Variants in LIPC observed in about 807,000 individuals in gnomAD.
LIPC encodes the protein lipase C, hepatic type.
LIPC carries 44 observed loss-of-function variants against 50.7 expected under a neutral mutation model. That is an observed-to-expected ratio of 0.87 (90% CI 0.68 to 1.11). LIPC has a LOEUF of 1.11. Among genes scored for constraint, LIPC ranks in the 50% most tolerant of loss-of-function variants. The pLI is 0.00. For synonymous variants in LIPC, 271 were observed against 256.4 expected, an observed-to-expected ratio of 1.06 and a Z score of -0.54; for missense variants, 697 against 648.2, an observed-to-expected ratio of 1.08 and a Z score of -0.82.
At chr15:58,485,079 G>A (rs4775058) in intron 1 of LIPC, among the ~76,000 whole-genome samples, 4,234 of 152,260 alleles carry the variant, frequency 0.028, 63 homozygotes, top group Middle Eastern at 0.037. Flanking sequence ...GTTGGGTTCC[G>A]CAAGAATGAT....
chr15:58,449,050 ACACGAC>A (rs1182753697), intron 1 of LIPC, among the ~76,000 whole-genome samples: 1 of 151,664 alleles, frequency 6.6e-6, no homozygotes, highest in East Asian at 1.9e-4. Flanking sequence ...CGCTAGGTGC[ACACGAC>A]GGGCAGTGGG....
intron 1 of LIPC, chr15:58,432,389 T>G: frequency 2.0e-6 from 1 of 494,808 alleles, no homozygotes; most frequent in Non-Finnish European, 3.7e-6. Context: ...ATGGAAACAG[T>G]CATGCTAAAA....
At chr15:58,497,529 A>G (rs1194523964) in intron 1 of LIPC, among the ~76,000 whole-genome samples, 1 of 151,668 alleles carries the variant, frequency 6.6e-6, no homozygotes, top group Non-Finnish European at 1.5e-5. Flanking sequence ...AATGCCTTGA[A>G]ACCGTCAGAT....
intron 1 of LIPC, among the ~76,000 whole-genome samples, chr15:58,448,531 G>T (rs573180138): frequency 2.0e-5 from 3 of 152,336 alleles, no homozygotes; most frequent in African/African-American, 4.8e-5. Flanking sequence ...AAAACAGACC[G>T]CAGGTGCCCT....
intron 1 of LIPC, among the ~76,000 whole-genome samples, chr15:58,506,186 C>T (rs1017979529): frequency 1.3e-5 from 2 of 152,298 alleles, no homozygotes; most frequent in Non-Finnish European, 2.9e-5. Context: ...TGCTTCACAA[C>T]GGGGCTCTCC....
At chr15:58,450,408 A>G (rs1265096662) in intron 1 of LIPC, among the ~76,000 whole-genome samples, 1 of 152,154 alleles carries the variant, frequency 6.6e-6, no homozygotes, top group Admixed American at 6.5e-5. Flanking sequence ...CACCTGAAGA[A>G]CTGCCTCAGA....
chr15:58,453,351 A>G (rs1893981323), intron 1 of LIPC, among the ~76,000 whole-genome samples: 1 of 151,902 alleles, frequency 6.6e-6, no homozygotes, highest in African/African-American at 2.4e-5. Context: ...CAATATGACC[A>G]TTTCTGCCTC....
chr15:58,476,413 T>G (rs1453164027), intron 1 of LIPC, among the ~76,000 whole-genome samples: 1 of 152,264 alleles, frequency 6.6e-6, no homozygotes, highest in Non-Finnish European at 1.5e-5. Flanking sequence ...CAGGAAGCCA[T>G]GCAGTCTGGT....
At chr15:58,460,775 G>C (rs1894317883) in intron 1 of LIPC, among the ~76,000 whole-genome samples, 2 of 152,220 alleles carry the variant, frequency 1.3e-5, no homozygotes, top group African/African-American at 4.8e-5. Flanking sequence ...AGCTGTTAGA[G>C]AACAGCCAGC....
At position 58,541,894 on chromosome 15, in the gene LIPC, A is replaced by C. The variant is rs1595935075; in HGVS notation, c.383A>C (p.Asp128Ala). 6.2e-7 allele frequency: 1 copy of C among 1,612,150 alleles called. No individual in the cohort carries two copies. Among genetic ancestry groups the C allele is most frequent in the Non-Finnish European group, 8.5e-7 (1 of 1,179,978 alleles). ...GLVDWITLAH[D>A]HYTIAVRNTR... Reference sequence around the variant, plus strand: ...GTGGACTGGATCACCCTGGCCCACGACCACTACACCATCGCCGTCCGCAAC... The same window carrying C: ...GTGGACTGGATCACCCTGGCCCACGCCCACTACACCATCGCCGTCCGCAAC... Residue 128 changes from aspartate to alanine, a missense_variant, in exon 3 of 9, where the codon GAC (aspartate) becomes GCC (alanine). Transcript: ENST00000299022.
chr15:58,518,181 G>A (rs1479666751), intron 1 of LIPC, among the ~76,000 whole-genome samples: 1 of 152,206 alleles, frequency 6.6e-6, no homozygotes, highest in Non-Finnish European at 1.5e-5. Context: ...AATGCCAGTA[G>A]AACTCCCCTT....
Position 58,546,044 on chromosome 15 carries a change from T to C in LIPC, c.808+69T>C, listed in dbSNP as rs1352356469. 3 of 1,299,848 alleles carry C rather than the reference T, an allele frequency of 2.3e-6. No homozygotes were observed. In the East Asian group the frequency reaches 6.9e-5, roughly 30 times the overall value. The allele number at this position is 1,299,848 out of a possible 1,614,324, so 80.5% of individuals were successfully genotyped here. ...ATGGGGCCTCTGGAATTCAGCGGAA[T>C]CTACCAACATACGGGACTCAGGGAA... On this transcript the variant is annotated intron_variant, in intron 5 of 8. Transcript: ENST00000299022.
At chr15:58,462,697 G>A (rs1464979753) in intron 1 of LIPC, among the ~76,000 whole-genome samples, 7 of 152,160 alleles carry the variant, frequency 4.6e-5, no homozygotes, top group African/African-American at 1.7e-4. Flanking sequence ...CCTGCACACA[G>A]CCCTTGACTT....
chr15:58,533,875 C>T (rs2140896726), intron 1 of LIPC, among the ~76,000 whole-genome samples: 1 of 152,146 alleles, frequency 6.6e-6, no homozygotes, highest in African/African-American at 2.4e-5. Context: ...CAATGAGCAT[C>T]CCTTAATTCT....
chr15:58,567,294 CATATAT>C (rs748652075), intron 8 of LIPC, among the ~76,000 whole-genome samples: 5 of 76,858 alleles, frequency 6.5e-5, no homozygotes, highest in African/African-American at 4.5e-4. Context: ...TATATATATA[CATATAT>C]ATATACATAT....
At chr15:58,472,645 ATATAAT>A (rs1269007823) in intron 1 of LIPC, among the ~76,000 whole-genome samples, 1 of 152,044 alleles carries the variant, frequency 6.6e-6, no homozygotes, top group African/African-American at 2.4e-5. Context: ...GGGAAAATAG[ATATAAT>A]TATATTTAAA....
chr15:58,558,636 G>A (rs1894045879), intron 6 of LIPC, among the ~76,000 whole-genome samples: 1 of 1,792 alleles, frequency 5.6e-4, no homozygotes, highest in African/African-American at 6.9e-4. Flanking sequence ...GAACTATTAT[G>A]AGAATCTAAT....
intron 1 of LIPC, among the ~76,000 whole-genome samples, chr15:58,535,424 G>A (rs17301822): frequency 0.06 from 9,114 of 152,268 alleles, 466 homozygotes; most frequent in East Asian, 0.25. Context: ...TAAAGCCTCC[G>A]GGAAGGGAGA....
chr15:58,439,746 C>T (rs572454915), intron 1 of LIPC, among the ~76,000 whole-genome samples: 233 of 152,300 alleles, frequency 1.5e-3, no homozygotes, highest in African/African-American at 5.4e-3. Context: ...CCGGCCAGGG[C>T]TTATTAAAAT....
Sources: allele counts gnomAD v4.1 joint callset (sites outside exome capture counted in the v4.1 genomes callset), GRCh38; gene constraint gnomAD v4.1.1; transcripts MANE v1.5; gene names NCBI Gene and HGNC (gene_info 2026-07-23, HGNC 2026-07-21).